The following KCNS3 variants were observed in gnomAD, a reference collection of about 807,000 sequenced individuals.
The protein encoded by KCNS3 is delayed-rectifier potassium channel regulatory subunit KCNS3.
In KCNS3, 13 loss-of-function variants were observed where a neutral mutation model predicts 31.0. The observed-to-expected ratio is 0.42, with a 90% CI of 0.27 to 0.67. The LOEUF (loss-of-function observed/expected upper bound fraction) is 0.67, where lower values mean the gene tolerates loss of function less well. Ranked by LOEUF, KCNS3 falls within the 30% of genes least tolerant of loss-of-function variation. KCNS3 has a pLI of 0.25. For synonymous variants in KCNS3, 238 were observed against 241.5 expected, an observed-to-expected ratio of 0.99 and a Z score of 0.13; for missense variants, 545 against 622.4, an observed-to-expected ratio of 0.88 and a Z score of 1.32.
intron 1 of KCNS3, among the ~76,000 whole-genome samples, chr2:17,899,245 A>G (rs1662106056): frequency 1.3e-5 from 2 of 152,132 alleles, no homozygotes; most frequent in South Asian, 4.1e-4. Context: ...AAGACAAAAC[A>G]AAACAAAACA....
At chr2:17,921,940 TATATATATATATATATATAA>T (rs1349682985) in intron 2 of KCNS3, among the ~76,000 whole-genome samples, 4 of 129,868 alleles carry the variant, frequency 3.1e-5, no homozygotes, top group East Asian at 4.6e-4. Context: ...TATATATATA[TATATATATATATATATATAA>T]ATACATATAC....
chr2:17,901,173 A>G (rs1662165398), intron 1 of KCNS3, among the ~76,000 whole-genome samples: 1 of 152,188 alleles, frequency 6.6e-6, no homozygotes, highest in South Asian at 2.1e-4. Context: ...ATTTAATCCA[A>G]TGTGCATGTT....
intron 2 of KCNS3, among the ~76,000 whole-genome samples, chr2:17,926,226 C>T (rs1662834362): frequency 6.6e-6 from 1 of 152,218 alleles, no homozygotes; most frequent in Non-Finnish European, 1.5e-5. Context: ...CAGCTCCACC[C>T]CTATGGCTTT....
chr2:17,881,757 G>A (rs1674648232), intron 1 of KCNS3, among the ~76,000 whole-genome samples: 1 of 152,186 alleles, frequency 6.6e-6, no homozygotes, highest in Non-Finnish European at 1.5e-5. Context: ...CCTGTGCTTA[G>A]TGGGATCTCG....
At position 17,931,811 on chromosome 2, in the gene KCNS3, C is replaced by G. The variant is rs1339962705; in HGVS notation, c.803C>G (p.Ala268Gly). ...IDFVSIIPFYATLAVDTKEEE... is the reference protein window; with the variant it reads ...IDFVSIIPFYGTLAVDTKEEE... ...TTTGTCTCTATTATTCCCTTCTATGCCACGTTGGCTGTAGACACCAAGGAG... is the reference window on the plus strand; with the variant it reads ...TTTGTCTCTATTATTCCCTTCTATGGCACGTTGGCTGTAGACACCAAGGAG... The change falls in exon 3 of 3, where the codon GCC becomes GGC. Residue 268 changes from alanine to glycine, a missense_variant. Transcript: ENST00000304101. This position sits in a 1 kb window ranked among gnomAD's most constrained non-coding sequence, Gnocchi z 5.4. The G allele has an allele frequency of 6.2e-7, 1 of 1,614,174 alleles. No homozygotes were observed. The highest frequency in any genetic ancestry group is 2.2e-5 in the East Asian group (1 of 44,876).
chr2:17,907,620 G>A (rs1333091734), intron 1 of KCNS3, among the ~76,000 whole-genome samples: 1 of 152,114 alleles, frequency 6.6e-6, no homozygotes, highest in Non-Finnish European at 1.5e-5. Context: ...TCCATGTTTA[G>A]TGCTTCCTTC....
At chr2:17,895,600 G>A (rs1662008407) in intron 1 of KCNS3, among the ~76,000 whole-genome samples, 1 of 152,182 alleles carries the variant, frequency 6.6e-6, no homozygotes, top group Non-Finnish European at 1.5e-5. Flanking sequence ...TCTCCCACGT[G>A]TTTACTGTGT....
chr2:17,932,616 T>A lies in KCNS3; in HGVS notation c.*132T>A. The A allele has an allele frequency of 1.1e-6, 1 of 897,640 alleles. No homozygotes were observed. The highest frequency in any genetic ancestry group is 1.7e-6 in the Non-Finnish European group (1 of 594,430). The allele number at this position is 897,640 out of a possible 1,614,324, so 55.6% of individuals were successfully genotyped here. A position where few individuals can be genotyped will look rare whatever the true frequency, so the allele number is the denominator to read the frequency against. On this transcript the variant is annotated 3_prime_UTR_variant, in exon 3 of 3. Coordinates refer to ENST00000304101, the MANE Select transcript of KCNS3 (RefSeq NM_002252.5). Reference sequence around the variant, plus strand: ...CTTTCAGCCATAGTTGGACATTCATTGCTGAATTCTGAAATGATAGAATTG... The same window carrying A: ...CTTTCAGCCATAGTTGGACATTCATAGCTGAATTCTGAAATGATAGAATTG...
intron 1 of KCNS3, among the ~76,000 whole-genome samples, chr2:17,901,045 G>T (rs1433068745): frequency 7.9e-5 from 12 of 152,080 alleles, no homozygotes; most frequent in Admixed American, 7.9e-4. Flanking sequence ...ACTGACCCAA[G>T]GTCACACAGC....
chr2:17,895,800 A>G (rs542817943), intron 1 of KCNS3, among the ~76,000 whole-genome samples: 4 of 152,270 alleles, frequency 2.6e-5, no homozygotes, highest in Non-Finnish European at 4.4e-5. Context: ...TAACTGGAAA[A>G]GAAGGGAAAA....
intron 2 of KCNS3, among the ~76,000 whole-genome samples, chr2:17,922,128 T>A (rs1350381630): frequency 1.3e-5 from 2 of 150,998 alleles, no homozygotes; most frequent in Admixed American, 1.3e-4. Flanking sequence ...TTGACCATAT[T>A]CCTCTAAAAT....
chr2:17,927,565 C>G (rs563798724), intron 2 of KCNS3, among the ~76,000 whole-genome samples: 7 of 152,278 alleles, frequency 4.6e-5, no homozygotes, highest in African/African-American at 1.7e-4. Flanking sequence ...ACTTACAATC[C>G]TGATAGAAGG....
chr2:17,910,783 C>T (rs554721161), intron 1 of KCNS3, among the ~76,000 whole-genome samples: 1 of 152,192 alleles, frequency 6.6e-6, no homozygotes, highest in South Asian at 2.1e-4. Context: ...GGCAATCAAT[C>T]CATTCTCCTC....
intron 1 of KCNS3, among the ~76,000 whole-genome samples, chr2:17,897,690 A>G (rs1662061748): frequency 6.6e-6 from 1 of 152,176 alleles, no homozygotes; most frequent in Non-Finnish European, 1.5e-5. Flanking sequence ...TGTCAGATGC[A>G]TAATTTGCAA....
chr2:17,925,297 C>T (rs1662810187), intron 2 of KCNS3, among the ~76,000 whole-genome samples: 1 of 152,178 alleles, frequency 6.6e-6, no homozygotes, highest in Non-Finnish European at 1.5e-5. Context: ...ATAGTGCAGT[C>T]TCTTTAATTC....
chr2:17,886,951 G>T (rs540480850), intron 1 of KCNS3, among the ~76,000 whole-genome samples: 1 of 144,574 alleles, frequency 6.9e-6, no homozygotes, highest in Middle Eastern at 3.7e-3. Context: ...TTTTAAGCAG[G>T]TTCCCCAGAC....
intron 1 of KCNS3, among the ~76,000 whole-genome samples, chr2:17,884,085 A>T (rs1268474041): frequency 9.2e-6 from 1 of 108,250 alleles, no homozygotes; most frequent in Non-Finnish European, 1.7e-5. Context: ...GAAGGGGAAC[A>T]TCACACACCA....
intron 2 of KCNS3, among the ~76,000 whole-genome samples, chr2:17,925,685 TG>T (rs1034910707): frequency 8.5e-5 from 13 of 152,086 alleles, no homozygotes; most frequent in African/African-American, 2.9e-4. Context: ...GAGAACAGCG[TG>T]GGGGAAACTG....
chr2:17,913,786 A>T (rs897610367), intron 1 of KCNS3, among the ~76,000 whole-genome samples: 1 of 152,096 alleles, frequency 6.6e-6, no homozygotes, highest in Non-Finnish European at 1.5e-5. Context: ...TCTCCAAGGG[A>T]TATTGGCAGT....
Sources: gnomAD v4.1 joint callset for allele counts (sites outside exome capture counted in the v4.1 genomes callset) on GRCh38, gnomAD v4.1.1 for gene constraint, Gnocchi (gnomAD v3.1) non-coding constraint, MANE v1.5 for transcripts, NCBI Gene and HGNC (gene_info 2026-07-23, HGNC 2026-07-21) for gene names.